GABBR2: variants seen among roughly 807,000 people sequenced by gnomAD.
The protein encoded by GABBR2 is gamma-aminobutyric acid type B receptor subunit 2.
In GABBR2, 23 loss-of-function variants were observed where a neutral mutation model predicts 105.6. The ratio of observed to expected loss-of-function variants is 0.22; its 90% CI spans 0.16 to 0.31. The LOEUF is 0.31. Ranked by LOEUF, GABBR2 falls within the 10% of genes least tolerant of loss-of-function variation. The pLI, the probability that GABBR2 is intolerant of heterozygous loss-of-function variation, is 1.00. For synonymous variants in GABBR2, 478 were observed against 499.7 expected, an observed-to-expected ratio of 0.96 and a Z score of 0.58; for missense variants, 734 against 1,245.5, an observed-to-expected ratio of 0.59 and a Z score of 6.18.
intron 5 of GABBR2, among the ~76,000 whole-genome samples, chr9:98,473,850 C>T (rs16916336): frequency 0.041 from 6,250 of 152,262 alleles, 204 homozygotes; most frequent in East Asian, 0.14. Context: ...ATCAACACAA[C>T]TTCTACAACA....
At chr9:98,429,383 C>T (rs1235483340) in intron 7 of GABBR2, among the ~76,000 whole-genome samples, 8 of 152,052 alleles carry the variant, frequency 5.3e-5, no homozygotes, top group East Asian at 1.9e-4. Flanking sequence ...TCAAGTGATC[C>T]GCCCACCTCA....
intron 13 of GABBR2, among the ~76,000 whole-genome samples, chr9:98,333,823 A>G (rs887344516): frequency 2.0e-5 from 3 of 152,144 alleles, no homozygotes; most frequent in African/African-American, 7.2e-5. Flanking sequence ...TCCAGAGTCT[A>G]CTTGCTTAAC....
chr9:98,596,622 G>A (rs922649963), intron 1 of GABBR2, among the ~76,000 whole-genome samples: 3 of 152,134 alleles, frequency 2.0e-5, no homozygotes, highest in Admixed American at 1.3e-4. Context: ...ATGTGGTCAC[G>A]ACAGGACCAT....
chr9:98,336,897 G>C (rs1039137657), intron 13 of GABBR2, among the ~76,000 whole-genome samples: 2 of 152,144 alleles, frequency 1.3e-5, no homozygotes, highest in Non-Finnish European at 2.9e-5. Context: ...AAGTCTATCC[G>C]AGAATTTTTT....
chr9:98,684,401 C>T (rs1830595057), intron 1 of GABBR2, among the ~76,000 whole-genome samples: 1 of 152,060 alleles, frequency 6.6e-6, no homozygotes. Context: ...AAAAACACTA[C>T]TAGTTATCTT....
At chr9:98,472,901 T>A (rs1320011449) in intron 6 of GABBR2, among the ~76,000 whole-genome samples, 1 of 152,120 alleles carries the variant, frequency 6.6e-6, no homozygotes, top group Non-Finnish European at 1.5e-5. Context: ...TATGTATACA[T>A]AACATGTGTA....
chr9:98,661,773 C>T (rs773235028), intron 1 of GABBR2, among the ~76,000 whole-genome samples: 1 of 152,200 alleles, frequency 6.6e-6, no homozygotes, highest in Non-Finnish European at 1.5e-5. Context: ...CACTCATTTT[C>T]CCAGCTGCTA....
At chr9:98,462,085 G>C (rs1044613511) in intron 6 of GABBR2, among the ~76,000 whole-genome samples, 2 of 152,080 alleles carry the variant, frequency 1.3e-5, no homozygotes, top group African/African-American at 4.8e-5. Flanking sequence ...TCAAGACAGG[G>C]TGATTTTCAG....
chr9:98,454,162 C>G lies in GABBR2; in HGVS notation c.1055G>C (p.Ser352Thr). ...ATCGTAGGCGTACCCGTGGAACTTG[C>G]TGGGCCCCACGCCTGACCGCTTGTT... ...YNNKRSGVGP[S>T]KFHGYAYDGI... The change falls in exon 7 of 19, where the codon AGC becomes ACC. Residue 352 changes from serine (S) to threonine (T), a missense_variant. Coordinates refer to ENST00000259455, the MANE Select transcript of GABBR2 (RefSeq NM_005458.8). The surrounding 1 kb of genome is among the most constrained non-coding windows in gnomAD (Gnocchi z 4.6). 6.2e-7 allele frequency: 1 copy of G among 1,614,154 alleles called. No individual in the cohort carries two copies. The highest frequency in any genetic ancestry group is 8.5e-7 in the Non-Finnish European group (1 of 1,179,992).
rs1479437476 is a variant in GABBR2, at chr9:98,424,642, T to C, written c.1237-18501A>G. On this transcript the variant is annotated intron_variant, in intron 7 of 18. Transcript: ENST00000259455. ...AAGCAACTTCAGCAAAGTCTCAGGATACAAAATCAATGTACAAAAATCACA... is the reference window on the plus strand; with the variant it reads ...AAGCAACTTCAGCAAAGTCTCAGGACACAAAATCAATGTACAAAAATCACA... Among the ~76,000 whole-genome samples the C allele has an allele frequency of 4.0e-5, 6 of 149,870 alleles. No homozygotes were observed. The East Asian group carries it at 1.2e-3, about 29-fold the overall frequency.
intron 1 of GABBR2, among the ~76,000 whole-genome samples, chr9:98,695,039 G>C (rs1450256067): frequency 6.6e-6 from 1 of 152,204 alleles, no homozygotes; most frequent in Admixed American, 6.5e-5. Context: ...TGTTCAACTG[G>C]AACAATCCAT....
chr9:98,647,424 A>G (rs2131842251), intron 1 of GABBR2, among the ~76,000 whole-genome samples: 1 of 152,360 alleles, frequency 6.6e-6, no homozygotes, highest in Admixed American at 6.5e-5. Flanking sequence ...GCCGGAGAAG[A>G]TGTAGAGGGC....
rs1264414534 is a variant in GABBR2, at chr9:98,310,546, C to T, written c.2004+549G>A. ...TGCAAGCATGAGCCACAGCACCTAGCATGATCTTTGATTTCAAAAGATGAG... is the reference window on the plus strand; with the variant it reads ...TGCAAGCATGAGCCACAGCACCTAGTATGATCTTTGATTTCAAAAGATGAG... On this transcript the variant is annotated intron_variant, in intron 14 of 18. Transcript: ENST00000259455. 1.3e-5 allele frequency among the ~76,000 whole-genome samples: 2 copies of T among 152,192 alleles called. 1 individual carries two copies. The highest frequency in any genetic ancestry group is 4.8e-5 in the African/African-American group (2 of 41,452).
intron 1 of GABBR2, among the ~76,000 whole-genome samples, chr9:98,604,818 C>T (rs1371009167): frequency 5.9e-5 from 9 of 152,194 alleles, no homozygotes; most frequent in East Asian, 3.8e-4. Context: ...AACTGAGGCT[C>T]GGAGAGATTA....
intron 1 of GABBR2, among the ~76,000 whole-genome samples, chr9:98,609,167 G>C (rs1322897702): frequency 6.6e-6 from 1 of 152,198 alleles, no homozygotes; most frequent in Admixed American, 6.5e-5. Flanking sequence ...ACATGCATCA[G>C]TGGAGAATCT....
chr9:98,654,094 T>C (rs1180664007), intron 1 of GABBR2, among the ~76,000 whole-genome samples: 2 of 152,214 alleles, frequency 1.3e-5, no homozygotes, highest in Non-Finnish European at 2.9e-5. Context: ...AACATCGCTC[T>C]CACCTGCTCA....
intron 14 of GABBR2, among the ~76,000 whole-genome samples, chr9:98,307,346 T>C (rs1189088152): frequency 6.6e-6 from 1 of 152,042 alleles, no homozygotes; most frequent in Admixed American, 6.6e-5. Context: ...CAGGGACAGC[T>C]CAGGTGGGTG....
intron 2 of GABBR2, among the ~76,000 whole-genome samples, chr9:98,573,664 A>G (rs1206525517): frequency 6.6e-6 from 1 of 152,240 alleles, no homozygotes; most frequent in African/African-American, 2.4e-5. Context: ...TAAGTGTACA[A>G]TTCATTGACA....
chr9:98,576,556 C>T (rs900428677), intron 2 of GABBR2, among the ~76,000 whole-genome samples: 1 of 152,172 alleles, frequency 6.6e-6, no homozygotes, highest in African/African-American at 2.4e-5. Flanking sequence ...GAGTTAAAAT[C>T]CTGGCCCTAC....
Sources: gnomAD v4.1 joint callset for allele counts (sites outside exome capture counted in the v4.1 genomes callset) on GRCh38, gnomAD v4.1.1 for gene constraint, Gnocchi (gnomAD v3.1) non-coding constraint, MANE v1.5 for transcripts, NCBI Gene and HGNC (gene_info 2026-07-23, HGNC 2026-07-21) for gene names.